Variants in DACH2 observed in about 807,000 individuals in gnomAD.
DACH2 encodes dachshund family transcription factor 2.
A neutral mutation model predicts 35.8 loss-of-function variants in DACH2; 17 were observed. The ratio of observed to expected loss-of-function variants is 0.48; its 90% CI spans 0.33 to 0.71. The LOEUF is 0.71. DACH2 is among the 30% of genes least tolerant of loss of function. The pLI is 0.02. For synonymous variants in DACH2, 195 were observed against 177.3 expected (o/e 1.10, Z -0.79); for missense variants, 469 against 472.7 (o/e 0.99, Z 0.07).
chrX:86,423,723 A>G (rs2036844431), intron 2 of DACH2, among the ~76,000 whole-genome samples: 1 of 110,633 alleles, frequency 9.0e-6, no homozygotes, highest in Non-Finnish European at 1.9e-5. Context: ...TTTGCTCAAG[A>G]AAGTTTTGCC....
intron 2 of DACH2, among the ~76,000 whole-genome samples, chrX:86,400,068 C>G (rs1056298578): frequency 1.8e-5 from 2 of 111,443 alleles, no homozygotes; most frequent in African/African-American, 6.5e-5. Context: ...TTCTTGGAGG[C>G]TTTGTTCATT....
intron 2 of DACH2, among the ~76,000 whole-genome samples, chrX:86,485,194 A>T (rs1203561433): frequency 8.9e-6 from 1 of 112,135 alleles, no homozygotes; most frequent in African/African-American, 3.2e-5. Context: ...CTATGCAATC[A>T]GGTAATGAAT....
intron 4 of DACH2, among the ~76,000 whole-genome samples, chrX:86,694,345 G>C (rs1036170894): frequency 8.9e-6 from 1 of 112,167 alleles, no homozygotes; most frequent in Non-Finnish European, 1.9e-5. Context: ...TTAAGCAATG[G>C]TTCTATCCCC....
chrX:86,411,833 C>G (rs995294468), intron 2 of DACH2, among the ~76,000 whole-genome samples: 1 of 111,211 alleles, frequency 9.0e-6, no homozygotes, highest in Admixed American at 9.6e-5. Flanking sequence ...ATTCCCTTAG[C>G]CTTCAGCAAG....
chrX:86,264,196 A>G (rs986323029), intron 1 of DACH2, among the ~76,000 whole-genome samples: 3 of 111,997 alleles, frequency 2.7e-5, no homozygotes, highest in African/African-American at 9.7e-5. Flanking sequence ...GGTTGAGCAA[A>G]ACTAGCAAAT....
intron 2 of DACH2, among the ~76,000 whole-genome samples, chrX:86,419,069 C>A (rs1376654272): frequency 9.0e-6 from 1 of 111,617 alleles, no homozygotes; most frequent in African/African-American, 3.3e-5. Context: ...CCACCTCAGC[C>A]TGGATTTCCT....
chrX:86,534,821 T>C (rs143605823), intron 3 of DACH2, among the ~76,000 whole-genome samples: 3,146 of 111,879 alleles, frequency 0.028, 48 homozygotes, highest in Non-Finnish European at 0.044. Context: ...CATTTGCTGT[T>C]CACTTCAATT....
At position 86,667,529 on chromosome X, in the gene DACH2, GAAAGAAAGAAAGAAAGAAGAAAGAAAGA is replaced by G. The variant is rs1447870847; in HGVS notation, c.772+16365_772+16392del. ...AGAAAGAAAGAAAGAAAGAAAGAAA[GAAAGAAAGAAAGAAAGAAGAAAGAAAGA>G]AAGAAAGAAAGAAAGAAAGAAAGAA... is the stretch of plus-strand genomic sequence containing the variant. On this transcript the variant is annotated intron_variant, in intron 4 of 11. Transcript: ENST00000373125. Among the ~76,000 whole-genome samples, 169 of 61,241 alleles carry G rather than the reference GAAAGAAAGAAAGAAAGAAGAAAGAAAGA, an allele frequency of 2.8e-3. 1 individual carries two copies. The highest frequency in any genetic ancestry group is 0.01 in the African/African-American group (119 of 11,586). 53.2% of individuals were successfully genotyped at this position (61,241 alleles called of 115,157 possible).
chrX:86,479,230 A>C (rs2148231952), intron 2 of DACH2, among the ~76,000 whole-genome samples: 1 of 110,678 alleles, frequency 9.0e-6, no homozygotes, highest in African/African-American at 3.3e-5. Context: ...TGTGCCCGCT[A>C]GGGTCTTGGG....
At chrX:86,174,200 G>A in intron 1 of DACH2, among the ~76,000 whole-genome samples, 1 of 98,272 alleles carries the variant, frequency 1.0e-5, no homozygotes, top group Non-Finnish European at 2.0e-5. Flanking sequence ...ATCGCTAACT[G>A]TAGCCTTGAA....
intron 6 of DACH2, among the ~76,000 whole-genome samples, chrX:86,725,527 A>G (rs2041456983): frequency 9.0e-6 from 1 of 111,270 alleles, no homozygotes; most frequent in Admixed American, 9.6e-5. Flanking sequence ...ACCATTCTTC[A>G]GGCTCTAGTG....
Position 86,770,601 on chromosome X carries a change from C to CCA in DACH2, c.1240+30719_1240+30720insCA, listed in dbSNP as rs763968395. Among the ~76,000 whole-genome samples the CCA allele has an allele frequency of 7.6e-3, 765 of 100,195 alleles. 5 individuals are homozygous for CCA. Among genetic ancestry groups the CCA allele is most frequent in the Non-Finnish European group, 0.013 (610 of 48,572 alleles). The allele number at this position is 100,195 out of a possible 115,157, so 87.0% of individuals were successfully genotyped here. A position where few individuals can be genotyped will look rare whatever the true frequency, so the allele number is the denominator to read the frequency against. ...GAGTATGTTTCTCACCTGACAGTTT[C>CCA]TATCATTATTTGGTAAAGTGACAAG... On this transcript the variant is annotated intron_variant, in intron 7 of 11. Transcript: ENST00000373125.
intron 1 of DACH2, among the ~76,000 whole-genome samples, chrX:86,251,574 G>A (rs1018801497): frequency 2.7e-5 from 3 of 111,419 alleles, no homozygotes; most frequent in Admixed American, 9.6e-5. Context: ...CCAATTATGA[G>A]TGAGAACATA....
At chrX:86,504,445 C>T (rs867477079) in intron 2 of DACH2, among the ~76,000 whole-genome samples, 1 of 109,202 alleles carries the variant, frequency 9.2e-6, no homozygotes, top group Admixed American at 9.8e-5. Context: ...TACCTGACTT[C>T]AAGTTCAAAG....
chrX:86,297,177 G>A (rs1423988357), intron 1 of DACH2, among the ~76,000 whole-genome samples: 1 of 108,418 alleles, frequency 9.2e-6, no homozygotes, highest in East Asian at 2.9e-4. Flanking sequence ...GAATATTATG[G>A]GGTTAGAGAA....
intron 2 of DACH2, among the ~76,000 whole-genome samples, chrX:86,502,302 T>C (rs910904909): frequency 9.0e-6 from 1 of 111,697 alleles, no homozygotes; most frequent in African/African-American, 3.3e-5. Flanking sequence ...CTGCAGGAAA[T>C]GCCTGGAGCT....
At chrX:86,556,499 T>C (rs762288218) in intron 3 of DACH2, among the ~76,000 whole-genome samples, 1 of 109,195 alleles carries the variant, frequency 9.2e-6, no homozygotes, top group Non-Finnish European at 1.9e-5. Context: ...TTCTAAATAT[T>C]GGCCAAAAGA....
chrX:86,737,883 T>C (rs2041612606), intron 6 of DACH2, among the ~76,000 whole-genome samples: 1 of 111,632 alleles, frequency 9.0e-6, no homozygotes, highest in Non-Finnish European at 1.9e-5. Context: ...TAGTGTCTAA[T>C]AGGTAGTTTT....
At chrX:86,385,812 A>G (rs2036114321) in intron 2 of DACH2, among the ~76,000 whole-genome samples, 1 of 111,734 alleles carries the variant, frequency 8.9e-6, no homozygotes, top group African/African-American at 3.2e-5. Flanking sequence ...AGGGTAAAAC[A>G]CTTTTTAATA....
Sources: gnomAD v4.1 joint callset for allele counts (sites outside exome capture counted in the v4.1 genomes callset) on GRCh38, gnomAD v4.1.1 for gene constraint, MANE v1.5 for transcripts, NCBI Gene and HGNC (gene_info 2026-07-23, HGNC 2026-07-21) for gene names.